SRD5A2: variants seen among roughly 807,000 people sequenced by gnomAD.
SRD5A2 encodes the protein 3-oxo-5-alpha-steroid 4-dehydrogenase 2.
A neutral mutation model predicts 27.4 loss-of-function variants in SRD5A2; 30 were observed. The observed-to-expected ratio is 1.10, with a 90% CI of 0.82 to 1.49. SRD5A2 has a LOEUF of 1.49. Among genes scored for constraint, SRD5A2 ranks in the 40% most tolerant of loss-of-function variants. The probability of loss-of-function intolerance (pLI) is 0.00; values close to 1 mark genes in which losing one functional copy is unlikely to be tolerated. For synonymous variants in SRD5A2, 141 were observed against 133.6 expected (o/e 1.06, Z -0.38); for missense variants, 348 against 323.4 (o/e 1.08, Z -0.58).
intron 1 of SRD5A2, among the ~76,000 whole-genome samples, chr2:31,554,930 T>C (rs947587057): frequency 8.2e-6 from 1 of 122,302 alleles, no homozygotes; most frequent in Non-Finnish European, 1.7e-5. Context: ...TGATCGTGTG[T>C]GTGTGTGTGT....
chr2:31,639,799 A>C, the SRD5A2 span, among the ~76,000 whole-genome samples: 2 of 152,004 alleles, frequency 1.3e-5, no homozygotes, highest in Non-Finnish European at 2.9e-5. Flanking sequence ...ACATTTGAGA[A>C]TTTGATTCTT....
chr2:31,539,936 A>G (rs1666097286), intron 1 of SRD5A2, among the ~76,000 whole-genome samples: 1 of 152,212 alleles, frequency 6.6e-6, no homozygotes, highest in Admixed American at 6.5e-5. Context: ...ACCAAGAACC[A>G]AGAAGGTCTC....
intron 2 of SRD5A2, among the ~76,000 whole-genome samples, chr2:31,532,672 C>T (rs1474029978): frequency 2.0e-5 from 3 of 151,834 alleles, no homozygotes; most frequent in African/African-American, 7.3e-5. Context: ...AAAGCAAGAA[C>T]AGTTTAGTTG....
intron 1 of SRD5A2, among the ~76,000 whole-genome samples, chr2:31,550,900 T>A (rs1666369661): frequency 6.6e-6 from 1 of 151,824 alleles, no homozygotes; most frequent in Non-Finnish European, 1.5e-5. Context: ...AAGAAAAAAA[T>A]TTATAGATTA....
chr2:31,597,269 C>T, the SRD5A2 span, among the ~76,000 whole-genome samples: 4 of 151,988 alleles, frequency 2.6e-5, no homozygotes, highest in Non-Finnish European at 4.4e-5. Context: ...TGGCAAACCA[C>T]ATGTAGAAGA....
chr2:31,640,148 C>A, the SRD5A2 span, among the ~76,000 whole-genome samples: 1 of 149,498 alleles, frequency 6.7e-6, no homozygotes, highest in Non-Finnish European at 1.5e-5. Context: ...CTAAAGAGTT[C>A]TTCAGTTCAG....
intron 1 of SRD5A2, among the ~76,000 whole-genome samples, chr2:31,553,890 G>A (rs1240372376): frequency 2.6e-5 from 4 of 152,114 alleles, no homozygotes; most frequent in South Asian, 4.1e-4. Flanking sequence ...CAGGGGTTAC[G>A]GAGGTTTGGA....
At chr2:31,580,566 C>A in intron 1 of SRD5A2, 54 bp downstream of exon 1, 1 of 1,436,972 alleles carries the variant, frequency 7.0e-7, no homozygotes, top group East Asian at 2.5e-5. Context: ...CGCTCCTGGA[C>A]GCCGGGAGCA....
At chr2:31,600,658 T>G in the SRD5A2 span, among the ~76,000 whole-genome samples, 1 of 151,868 alleles carries the variant, frequency 6.6e-6, no homozygotes, top group East Asian at 1.9e-4. Context: ...ATACCAGTCC[T>G]ACTCAAATAG....
intron 1 of SRD5A2, among the ~76,000 whole-genome samples, chr2:31,550,319 A>T (rs901642005): frequency 4.6e-5 from 7 of 151,950 alleles, no homozygotes; most frequent in Admixed American, 2.0e-4. Flanking sequence ...TAAGTAATTA[A>T]TACCAATTCT....
In SRD5A2 at chr2:31,524,689, A is replaced by C; in HGVS notation, c.*1507T>G. 4.3e-6 allele frequency: 1 copy of C among 231,238 alleles called. No homozygotes were observed. The highest frequency in any genetic ancestry group is 8.6e-6 in the Non-Finnish European group (1 of 116,740). The allele number at this position is 231,238 out of a possible 1,614,324, so 14.3% of individuals were successfully genotyped here. A position where few individuals can be genotyped will look rare whatever the true frequency, so the allele number is the denominator to read the frequency against. On this transcript the variant is annotated 3_prime_UTR_variant, in exon 5 of 5. Transcript: ENST00000622030. ...CATCCTCAGACCTTTCAAGTTTCCT[A>C]TGTGACTTATATAGTGAGTTTCTGT...
the SRD5A2 span, among the ~76,000 whole-genome samples, chr2:31,631,499 A>G: frequency 6.6e-6 from 1 of 152,108 alleles, no homozygotes; most frequent in African/African-American, 2.4e-5. Flanking sequence ...CCCCAAGGCA[A>G]AAACACCCCT....
At position 31,533,856 on chromosome 2, in the gene SRD5A2, G is replaced by C. The variant is rs1665969593; in HGVS notation, c.282-90C>G. ...CTCTTTCTTAAGCTCACACCAGAAG[G>C]TACAAAAACCAGGCTCTGCCATTTC... On this transcript the variant is annotated intron_variant, in intron 1 of 4. Coordinates refer to ENST00000622030, the MANE Select transcript of SRD5A2 (RefSeq NM_000348.4). 4 of 1,410,286 alleles carry C rather than the reference G, an allele frequency of 2.8e-6. No homozygotes were observed. The South Asian group carries it at 5.8e-5, about 21-fold the overall frequency. The allele number at this position is 1,410,286 out of a possible 1,614,324, so 87.4% of individuals were successfully genotyped here.
At chr2:31,553,305 A>T (rs907895079) in intron 1 of SRD5A2, among the ~76,000 whole-genome samples, 14 of 152,278 alleles carry the variant, frequency 9.2e-5, no homozygotes, top group African/African-American at 3.1e-4. Context: ...ACAAATATAT[A>T]CATTATGGTG....
At chr2:31,637,102 G>A in the SRD5A2 span, among the ~76,000 whole-genome samples, 9 of 152,030 alleles carry the variant, frequency 5.9e-5, no homozygotes, top group South Asian at 4.2e-4. Context: ...ATCTGGTCCT[G>A]GGCTTTTCTT....
At chr2:31,598,747 G>A in the SRD5A2 span, among the ~76,000 whole-genome samples, 7 of 151,992 alleles carry the variant, frequency 4.6e-5, no homozygotes, top group African/African-American at 1.4e-4. Flanking sequence ...AGACAGGAAG[G>A]AAGGAAAGAA....
intron 1 of SRD5A2, among the ~76,000 whole-genome samples, chr2:31,553,384 C>A (rs981344647): frequency 6.6e-6 from 1 of 152,146 alleles, no homozygotes; most frequent in Non-Finnish European, 1.5e-5. Flanking sequence ...CTGAAAATTT[C>A]TCAAATTCCA....
rs903351806 is a variant in SRD5A2, at chr2:31,524,621, CTT to C, written c.*1573_*1574del. ...AGGTATTTAATGAACAACAAAAACA[CTT>C]ATTTATATGATTGCAATTTGCATTT... is the stretch of plus-strand genomic sequence containing the variant. On this transcript the variant is annotated 3_prime_UTR_variant, in exon 5 of 5. Transcript: ENST00000622030. 1 of 230,034 alleles carries C rather than the reference CTT, an allele frequency of 4.3e-6. No homozygotes were observed. The highest frequency in any genetic ancestry group is 2.2e-5 in the African/African-American group (1 of 45,150). 14.2% of individuals were successfully genotyped at this position (230,034 alleles called of 1,614,324 possible). A position where few individuals can be genotyped will look rare whatever the true frequency, so the allele number is the denominator to read the frequency against.
the SRD5A2 span, among the ~76,000 whole-genome samples, chr2:31,603,938 G>A: frequency 5.9e-5 from 9 of 151,744 alleles, no homozygotes; most frequent in Non-Finnish European, 1.2e-4. Flanking sequence ...AATAGCTAAT[G>A]GATTCTGGGC....
Sources: allele counts gnomAD v4.1 joint callset (sites outside exome capture counted in the v4.1 genomes callset), GRCh38; gene constraint gnomAD v4.1.1; transcripts MANE v1.5; gene names NCBI Gene and HGNC (gene_info 2026-07-23, HGNC 2026-07-21).